The following ALDH3B1 variants were observed in gnomAD, a reference collection of about 807,000 sequenced individuals.
The protein encoded by ALDH3B1 is aldehyde dehydrogenase 3 family member B1, also known as aldehyde dehydrogenase family 3 member B1.
A neutral mutation model predicts 46.2 loss-of-function variants in ALDH3B1; 37 were observed. The observed-to-expected ratio is 0.80, with a 90% confidence interval of 0.62 to 1.05. The LOEUF is 1.05. ALDH3B1 is among the 50% of genes least tolerant of loss of function. The pLI is 0.00. For synonymous variants in ALDH3B1, 283 were observed against 281.0 expected (o/e 1.01, Z -0.07); for missense variants, 603 against 665.5 (o/e 0.91, Z 1.03).
At chr11:68,022,825 C>T in intron 8 of ALDH3B1, 64 bp downstream of exon 8, 1 of 1,594,030 alleles carries the variant, frequency 6.3e-7, no homozygotes, top group Non-Finnish European at 8.5e-7. Flanking sequence ...GTGGTGGCAG[C>T]AGGGGGGGCA....
In ALDH3B1 at chr11:68,021,833, C is replaced by T. The variant is rs923115235; in HGVS notation, c.911C>T (p.Ala304Val). 1.2e-6 allele frequency: 2 copies of T among 1,613,390 alleles called. No homozygotes were observed. Among genetic ancestry groups the T allele is most frequent in the Non-Finnish European group, 1.7e-6 (2 of 1,179,590 alleles). Residue 304 changes from alanine to valine, a missense_variant, in exon 7 of 10, where the codon GCC becomes GTC. By Grantham distance (64) the Ala-to-Val change is moderately conservative. Transcript: ENST00000342456. ...GCATTGCTGGGCTGCGGCCGTGTGG[C>T]CATTGGGGGCCAGAGCGATGAGAGC... The part of the protein sequence containing the change: ...LRALLGCGRV[A>V]IGGQSDESDR...
chr11:68,028,770 T>C lies in ALDH3B1; in HGVS notation c.*831T>C, dbSNP rs1218815241. Reference sequence around the variant, plus strand: ...GATTGCTGAGCTGGAGCTCCAGGTGTCCTATCTTTCTCAGTGGGGTGGCAC... The same window carrying C: ...GATTGCTGAGCTGGAGCTCCAGGTGCCCTATCTTTCTCAGTGGGGTGGCAC... On this transcript the variant is annotated 3_prime_UTR_variant, in exon 10 of 10. Coordinates refer to ENST00000342456, the MANE Select transcript of ALDH3B1 (RefSeq NM_000694.4). 1 of 151,350 alleles carries C rather than the reference T, an allele frequency of 6.6e-6. No individual in the cohort carries two copies. The highest frequency in any genetic ancestry group is 2.4e-5 in the African/African-American group (1 of 41,102). The allele number at this position is 151,350 out of a possible 1,614,324, so 9.4% of individuals were successfully genotyped here.
intron 1 of ALDH3B1, among the ~76,000 whole-genome samples, chr11:68,011,961 C>T (rs1857241503): frequency 6.6e-6 from 1 of 152,238 alleles, no homozygotes; most frequent in African/African-American, 2.4e-5. Flanking sequence ...GTCAAGCAAC[C>T]TGCCCAAGGT....
At chr11:68,020,057 C>T (rs886899609) in intron 6 of ALDH3B1, among the ~76,000 whole-genome samples, 3 of 152,076 alleles carry the variant, frequency 2.0e-5, no homozygotes, top group Admixed American at 6.5e-5. Flanking sequence ...CATACGTGAC[C>T]CTGCTGCCCC....
chr11:68,014,602 C>T lies in ALDH3B1; in HGVS notation c.-1-695C>T, dbSNP rs1023859842. The stretch of plus-strand genomic sequence containing the variant: ...ATCCTCTCCCCCACAGCTGTTTCTG[C>T]CTCCCAGCACCACAGCCCCGGCAGG... On this transcript the variant is annotated intron_variant, in intron 1 of 9. Coordinates refer to ENST00000342456, the MANE Select transcript of ALDH3B1 (RefSeq NM_000694.4). Among the ~76,000 whole-genome samples the T allele has an allele frequency of 3.9e-5, 6 of 152,204 alleles. No homozygotes were observed. The South Asian group carries it at 8.3e-4, about 21-fold the overall frequency.
chr11:68,012,453 C>G lies in ALDH3B1; in HGVS notation c.-2+2061C>G, dbSNP rs115219197. ...ACCAAATGATGTGGCAACTCCCCCC[C>G]ACCCCAGAAGCTGCAGGTCTGGGCC... On this transcript the variant is annotated intron_variant, in intron 1 of 9. Transcript: ENST00000342456. 7.9e-5 allele frequency among the ~76,000 whole-genome samples: 12 copies of G among 152,348 alleles called. No homozygotes were observed. In the South Asian group the frequency reaches 1.2e-3, roughly 16 times the overall value.
At position 68,026,106 on chromosome 11, in the gene ALDH3B1, T is replaced by G; in HGVS notation, c.1214T>G (p.Val405Gly). The stretch of plus-strand genomic sequence containing the variant: ...CTGGCCAGCCTGCCTTTTGGAGGAG[T>G]GGGTAGGTGCCTGCTACCCTGCCCT... ...MTLASLPFGGVGASGMGRYHG... is the reference protein window; with the variant it reads ...MTLASLPFGGGGASGMGRYHG... The change falls in exon 9 of 10, where the codon GTG becomes GGG. Residue 405 changes from valine (V) to glycine (G), a missense_variant and splice_region_variant. Transcript: ENST00000342456. 1 of 1,600,454 alleles carries G rather than the reference T, an allele frequency of 6.2e-7. No homozygotes were observed. Among genetic ancestry groups the G allele is most frequent in the Non-Finnish European group, 8.5e-7 (1 of 1,173,578 alleles).
In ALDH3B1 at chr11:68,026,775, C is replaced by T. The variant is rs533015203; in HGVS notation, c.1216+667C>T. 5.1e-4 allele frequency among the ~76,000 whole-genome samples: 78 copies of T among 152,348 alleles called. 1 individual carries two copies. In the South Asian group the frequency reaches 0.015, roughly 30 times the overall value. On this transcript the variant is annotated intron_variant, in intron 9 of 9. Transcript: ENST00000342456. ...TCCCGCCACCTGTCCACACTCAGCA[C>T]CACAGTGAACGATGGCAGGGCCAGG...
chr11:68,027,840 G>A lies in ALDH3B1; in HGVS notation c.1308G>A (p.Glu436=). ...GCCTCCTGCGCAGCCCGGGGATGGAGAAGCTCAACGCCCTCCGCTACCCGC... is the reference window on the plus strand; with the variant it reads ...GCCTCCTGCGCAGCCCGGGGATGGAAAAGCTCAACGCCCTCCGCTACCCGC... The part of the protein sequence containing the change: ...RACLLRSPGM[E]KLNALRYPPQ... Residue 436 remains glutamate (E), a synonymous_variant, in exon 10 of 10, where the codon GAG becomes GAA. Transcript: ENST00000342456. 1 of 1,554,264 alleles carries A rather than the reference G, an allele frequency of 6.4e-7. No individual in the cohort carries two copies. The highest frequency in any genetic ancestry group is 1.4e-5 in the African/African-American group (1 of 73,452).
chr11:68,027,606 T>C (rs1409446814), intron 9 of ALDH3B1, 143 bp from the exon 10 acceptor site: 5 of 906,088 alleles, frequency 5.5e-6, no homozygotes, highest in Non-Finnish European at 8.2e-6. Flanking sequence ...GCCAAGCCCT[T>C]TACACACAGT....
At chr11:68,025,651 C>A (rs1857604564) in intron 8 of ALDH3B1, among the ~76,000 whole-genome samples, 1 of 152,266 alleles carries the variant, frequency 6.6e-6, no homozygotes, top group Middle Eastern at 3.4e-3. Flanking sequence ...CATGACACCC[C>A]TCTCCTGGGA....
Position 68,018,793 on chromosome 11 carries a change from C to G in ALDH3B1, c.294C>G (p.Ala98=), listed in dbSNP as rs1253679077. 1 of 1,556,824 alleles carries G rather than the reference C, an allele frequency of 6.4e-7. No homozygotes were observed. The highest frequency in any genetic ancestry group is 8.7e-7 in the Non-Finnish European group (1 of 1,150,442). The stretch of plus-strand genomic sequence containing the variant: ...CCCAGGCCACGCAGCTGGACTCCGC[C>G]TTCATCCGGAAGGAGCCCTTTGGCC... The part of the protein sequence containing the change: ...PKNLATQLDS[A]FIRKEPFGLV... Residue 98 remains alanine (A), a synonymous_variant, in exon 4 of 10, where the codon GCC becomes GCG. Transcript: ENST00000342456.
chr11:68,019,765 A>G lies in ALDH3B1; in HGVS notation c.531A>G (p.Leu177=), dbSNP rs751814182. The part of the protein sequence containing the change: ...LGGPQETGQL[L]EHRFDYIFFT... Reference sequence around the variant, plus strand: ...GGCCCCAGGAGACGGGGCAGCTGCTAGAGCACAGGTTCGACTACATCTTCT... The same window carrying G: ...GGCCCCAGGAGACGGGGCAGCTGCTGGAGCACAGGTTCGACTACATCTTCT... The change falls in exon 6 of 10, where the codon CTA becomes CTG. Residue 177 remains leucine, a synonymous_variant. Transcript: ENST00000342456. 6.2e-7 allele frequency: 1 copy of G among 1,614,138 alleles called. No homozygotes were observed. Among genetic ancestry groups the G allele is most frequent in the Non-Finnish European group, 8.5e-7 (1 of 1,179,970 alleles).
In ALDH3B1 at chr11:68,018,838, C is replaced by T. The variant is rs1857416980; in HGVS notation, c.339C>T (p.Pro113=). ...EPFGLVLIIA[P]WNYPLNLTLV... is the part of the protein sequence containing the mutation. Reference sequence around the variant, plus strand: ...TTGGCCTGGTCCTCATCATTGCGCCCTGGAACTATCCGCTGAACCTGACGC... The same window carrying T: ...TTGGCCTGGTCCTCATCATTGCGCCTTGGAACTATCCGCTGAACCTGACGC... The change falls in exon 4 of 10, where the codon CCC becomes CCT. Residue 113 remains proline (P), a synonymous_variant. Coordinates refer to ENST00000342456, the MANE Select transcript of ALDH3B1 (RefSeq NM_000694.4). The T allele has an allele frequency of 1.3e-6, 2 of 1,565,318 alleles. No individual in the cohort carries two copies. The highest frequency in any genetic ancestry group is 1.7e-6 in the Non-Finnish European group (2 of 1,155,382).
At position 68,015,400 on chromosome 11, in the gene ALDH3B1, C is replaced by A. The variant is rs199730372; in HGVS notation, c.103C>A (p.Arg35Ser). 2.6e-6 allele frequency: 4 copies of A among 1,554,312 alleles called. No homozygotes were observed. Among genetic ancestry groups the A allele is most frequent in the Admixed American group, 1.9e-5 (1 of 51,522 alleles). Residue 35 changes from arginine (R) to serine (S), a missense_variant, in exon 2 of 10, where the codon CGC (arginine) becomes AGC (serine). Physicochemically the swap from Arg to Ser is moderately radical, Grantham distance 110. Coordinates refer to ENST00000342456, the MANE Select transcript of ALDH3B1 (RefSeq NM_000694.4). ...FRAAQLQGLG[R>S]FLQENKQLLH... The stretch of plus-strand genomic sequence containing the variant: ...GGCTGCGCAGCTCCAAGGCCTGGGC[C>A]GCTTCCTGCAAGAAAACAAGCAGCT...
In ALDH3B1 at chr11:68,019,227, C is replaced by A; in HGVS notation, c.452C>A (p.Ala151Asp). ...AGCAAGAACGTCGAGAAGATCCTGG[C>A]CGAGGTGCTGCCCCAATACGTGGAC... ...EISKNVEKIL[A>D]EVLPQYVDQS... is the part of the protein sequence containing the mutation. Residue 151 changes from alanine to aspartate, a missense_variant, in exon 5 of 10, where the codon GCC (alanine) becomes GAC (aspartate). Transcript: ENST00000342456. The A allele has an allele frequency of 1.2e-6, 2 of 1,613,410 alleles. No homozygotes were observed. The highest frequency in any genetic ancestry group is 1.7e-6 in the Non-Finnish European group (2 of 1,179,686).
At chr11:68,023,887 T>C (rs1434275110) in intron 8 of ALDH3B1, among the ~76,000 whole-genome samples, 1 of 152,000 alleles carries the variant, frequency 6.6e-6, no homozygotes, top group African/African-American at 2.4e-5. Flanking sequence ...ATGAAACATT[T>C]TTTTAAGATT....
Position 68,028,086 on chromosome 11 carries a change from C to T in ALDH3B1, c.*147C>T, listed in dbSNP as rs182409890. ...CAAAGCAGCGCCTGCCTCCTCCCTC[C>T]TGGGTCTTCCCTCTCCCTGCCTCAG... On this transcript the variant is annotated 3_prime_UTR_variant, in exon 10 of 10. Coordinates refer to ENST00000342456, the MANE Select transcript of ALDH3B1 (RefSeq NM_000694.4). The T allele has an allele frequency of 7.4e-6, 8 of 1,080,010 alleles. No homozygotes were observed. In the East Asian group the frequency reaches 1.6e-4, roughly 22 times the overall value. 66.9% of individuals were successfully genotyped at this position (1,080,010 alleles called of 1,614,324 possible). A position where few individuals can be genotyped will look rare whatever the true frequency, so the allele number is the denominator to read the frequency against.
chr11:68,027,664 G>A (rs1857661305), intron 9 of ALDH3B1, 85 bp from the exon 10 acceptor site: 1 of 1,362,408 alleles, frequency 7.3e-7, no homozygotes, highest in Admixed American at 2.1e-5. Flanking sequence ...AGGCTCAGAG[G>A]GGAGAAGTAG....
Sources: gnomAD v4.1 joint callset for allele counts (sites outside exome capture counted in the v4.1 genomes callset) on GRCh38, gnomAD v4.1.1 for gene constraint, MANE v1.5 for transcripts, NCBI Gene and HGNC (gene_info 2026-07-23, HGNC 2026-07-21) for gene names.